Variants in DRC3 observed in about 807,000 individuals in gnomAD.
The protein encoded by DRC3 is dynein regulatory complex subunit 3, also known as leucine rich repeat containing 48.
Under a neutral mutation model 57.6 loss-of-function variants are expected in DRC3, and 45 were observed. The ratio of observed to expected loss-of-function variants is 0.78; its 90% CI spans 0.62 to 1.00. The LOEUF (loss-of-function observed/expected upper bound fraction) is 1.00. DRC3 is among the 50% of genes least tolerant of loss of function. The pLI, the probability that DRC3 is intolerant of heterozygous loss-of-function variation, is 0.00. For synonymous variants in DRC3, 257 were observed against 272.3 expected, an observed-to-expected ratio of 0.94 and a Z score of 0.55; for missense variants, 655 against 675.2, an observed-to-expected ratio of 0.97 and a Z score of 0.33.
chr17:18,007,158 C>CGGGCGGG lies in DRC3; in HGVS notation c.1326+15_1326+16insGGGGGGC. ...AACGACCTGCGCGCGGTAGGCGGGG[C>CGGGCGGG]GGGCTGCTCGGAGCCTGACAGATGT... On this transcript the variant is annotated intron_variant, in intron 12 of 13. Transcript: ENST00000399187. 1.0e-6 allele frequency: 1 copy of CGGGCGGG among 993,938 alleles called. No individual in the cohort carries two copies. Among genetic ancestry groups the CGGGCGGG allele is most frequent in the Non-Finnish European group, 1.4e-6 (1 of 704,810 alleles). 61.6% of individuals were successfully genotyped at this position (993,938 alleles called of 1,614,324 possible).
chr17:17,984,955 G>C (rs530470462), intron 4 of DRC3, among the ~76,000 whole-genome samples: 1 of 152,282 alleles, frequency 6.6e-6, no homozygotes, highest in East Asian at 1.9e-4. Flanking sequence ...TGACCAGCTT[G>C]ATGGAGTCAT....
intron 10 of DRC3, chr17:18,005,375 T>C (rs1006271957): frequency 6.6e-6 from 1 of 152,272 alleles, no homozygotes; most frequent in Non-Finnish European, 1.5e-5. Context: ...GTGCTCACTC[T>C]GCAGACAGTA....
intron 12 of DRC3, chr17:18,007,400 T>G: frequency 6.4e-7 from 1 of 1,551,466 alleles, no homozygotes; most frequent in Non-Finnish European, 8.7e-7. Flanking sequence ...TCCAACAGGG[T>G]CGTTTCCAAA....
At chr17:18,001,893 G>A (rs1411029262) in intron 9 of DRC3, among the ~76,000 whole-genome samples, 5 of 151,978 alleles carry the variant, frequency 3.3e-5, no homozygotes, top group African/African-American at 7.3e-5. Flanking sequence ...TTGGCCGGAC[G>A]CAGTGGCTTA....
Position 18,007,037 on chromosome 17 carries a change from C to G in DRC3, c.1216C>G (p.Arg406Gly), listed in dbSNP as rs548580914. The change falls in exon 12 of 14, where the codon CGG becomes GGG. Residue 406 changes from arginine (R) to glycine (G), a missense_variant. Arg to Gly is a moderately radical substitution (Grantham distance 125, BLOSUM62 -2). Coordinates refer to ENST00000399187, the MANE Select transcript of DRC3 (RefSeq NM_031294.4). Reference sequence around the variant, plus strand: ...TCGGGGCTGCACGATGGCTCAGTGCCGGGACCTGGAGAATCACCACCACGA... The same window carrying G: ...TCGGGGCTGCACGATGGCTCAGTGCGGGGACCTGGAGAATCACCACCACGA... ...ENVQSLMAQC[R>G]DLENHHHEKL... 3.1e-6 allele frequency: 5 copies of G among 1,602,940 alleles called. No individual in the cohort carries two copies. The Admixed American group carries it at 6.8e-5, about 22-fold the overall frequency.
chr17:17,990,213 C>T (rs554853849), intron 5 of DRC3, among the ~76,000 whole-genome samples: 35 of 152,310 alleles, frequency 2.3e-4, no homozygotes, highest in East Asian at 3.9e-4. Flanking sequence ...GGCTGGGTGA[C>T]GGCCAGGCTG....
rs989457397 is a variant in DRC3 at position 18,007,591 on chromosome 17, C to A, written c.1326+444C>A. ...TGCCATCCGGTTTGCACCAGCACAT[C>A]CACTGATGAATGGTCACAAAATCAG... On this transcript the variant is annotated intron_variant, in intron 12 of 13. Transcript: ENST00000399187. The A allele has an allele frequency of 3.2e-5, 47 of 1,457,010 alleles. 1 individual carries two copies. Among genetic ancestry groups the A allele is most frequent in the Middle Eastern group, 3.6e-4 (2 of 5,534 alleles). The allele number at this position is 1,457,010 out of a possible 1,614,324, so 90.3% of individuals were successfully genotyped here.
Position 18,007,143 on chromosome 17 carries a change from G to A in DRC3, c.1322G>A (p.Arg441His), listed in dbSNP as rs1051446562. ...GACGAGGACCTGCCTAACGACCTGC[G>A]CGCGGTAGGCGGGGCGGGCTGCTCG... is the stretch of plus-strand genomic sequence containing the variant. ...DLDEDLPNDL[R>H]ALFVDKDTIV... Residue 441 changes from arginine (R) to histidine (H), a missense_variant, in exon 12 of 14, where the codon CGC becomes CAC. Physicochemically the swap from Arg to His is conservative, Grantham distance 29 (BLOSUM62 0). Transcript: ENST00000399187. The A allele has an allele frequency of 8.3e-6, 10 of 1,206,586 alleles. No individual in the cohort carries two copies. The African/African-American group carries it at 2.2e-4, about 27-fold the overall frequency. 74.7% of individuals were successfully genotyped at this position (1,206,586 alleles called of 1,614,324 possible). A position where few individuals can be genotyped will look rare whatever the true frequency, so the allele number is the denominator to read the frequency against.
At chr17:17,988,262 T>C in intron 5 of DRC3, 164 bp downstream of exon 5, 2 of 744,006 alleles carry the variant, frequency 2.7e-6, no homozygotes, top group Admixed American at 6.3e-5. Context: ...GATTTGCTCA[T>C]GTTTAAATAC....
chr17:17,979,265 C>A (rs944633168), intron 3 of DRC3, among the ~76,000 whole-genome samples: 4 of 152,184 alleles, frequency 2.6e-5, no homozygotes, highest in Non-Finnish European at 4.4e-5. Flanking sequence ...GTCATGGTGT[C>A]AGCTTGGAGA....
intron 12 of DRC3, chr17:18,010,801 T>C: frequency 3.2e-6 from 1 of 314,198 alleles, no homozygotes; most frequent in East Asian, 1.1e-4. Context: ...GGCAAAGGAG[T>C]GGATGCCCAT....
At chr17:17,998,544 A>G (rs1568508607) in intron 9 of DRC3, among the ~76,000 whole-genome samples, 1 of 152,208 alleles carries the variant, frequency 6.6e-6, no homozygotes, top group Non-Finnish European at 1.5e-5. Context: ...TTGTAGCATA[A>G]GGGGCTTTAG....
chr17:17,992,955 C>A (rs769292252), intron 6 of DRC3, 44 bp downstream of exon 6: 4 of 1,606,172 alleles, frequency 2.5e-6, no homozygotes, highest in Non-Finnish European at 3.4e-6. Flanking sequence ...GAGACAGATT[C>A]CTCAAGCCCC....
At chr17:17,980,321 G>A (rs966380770) in intron 3 of DRC3, among the ~76,000 whole-genome samples, 4 of 149,792 alleles carry the variant, frequency 2.7e-5, no homozygotes, top group African/African-American at 4.9e-5. Flanking sequence ...TCGCTCTGCC[G>A]CCCAGCCCAG....
At chr17:17,979,600 G>T (rs2042556285) in intron 3 of DRC3, among the ~76,000 whole-genome samples, 1 of 152,170 alleles carries the variant, frequency 6.6e-6, no homozygotes, top group Non-Finnish European at 1.5e-5. Context: ...CTGATTTGTT[G>T]TGTTGTTTTG....
At chr17:18,014,370 C>T (rs893015018) in intron 12 of DRC3, among the ~76,000 whole-genome samples, 3 of 152,192 alleles carry the variant, frequency 2.0e-5, no homozygotes, top group Non-Finnish European at 4.4e-5. Flanking sequence ...GTGCTTTCAA[C>T]CTGCAGAAAC....
Position 17,983,858 on chromosome 17 carries a change from T to C in DRC3, c.191T>C (p.Phe64Ser), listed in dbSNP as rs545493335. ...CTCCGCATAGACAACCTCTGGCAGT[T>C]TGAGAACTTGAGGAAGCTGCAGCTG... Reference protein sequence around the residue: ...NILRIDNLWQFENLRKLQLDN... With the variant: ...NILRIDNLWQSENLRKLQLDN... Residue 64 changes from phenylalanine (F) to serine (S), a missense_variant, in exon 4 of 14, where the codon TTT (phenylalanine) becomes TCT (serine). Transcript: ENST00000399187. The C allele has an allele frequency of 1.2e-6, 2 of 1,613,404 alleles. No individual in the cohort carries two copies. Among genetic ancestry groups the C allele is most frequent in the South Asian group, 1.1e-5 (1 of 91,062 alleles).
In DRC3 at chr17:18,016,394, C is replaced by T. The variant is rs1035080439; in HGVS notation, c.1459-164C>T. ...CATGGGCTTCATCATTTTCCTAATT[C>T]CTACCTCAAATATACAGAGATCAGC... is the stretch of plus-strand genomic sequence containing the variant. On this transcript the variant is annotated intron_variant, in intron 13 of 13. Coordinates refer to ENST00000399187, the MANE Select transcript of DRC3 (RefSeq NM_031294.4). 5 of 794,746 alleles carry T rather than the reference C, an allele frequency of 6.3e-6. No homozygotes were observed. In the East Asian group the frequency reaches 1.3e-4, roughly 21 times the overall value. 49.2% of individuals were successfully genotyped at this position (794,746 alleles called of 1,614,324 possible).
At chr17:18,012,888 A>T (rs1219205737) in intron 12 of DRC3, among the ~76,000 whole-genome samples, 1 of 152,232 alleles carries the variant, frequency 6.6e-6, no homozygotes, top group African/African-American at 2.4e-5. Context: ...ACACAATGTG[A>T]CAAAATATTT....
Sources: allele counts gnomAD v4.1 joint callset (sites outside exome capture counted in the v4.1 genomes callset), GRCh38; gene constraint gnomAD v4.1.1; transcripts MANE v1.5; gene names NCBI Gene and HGNC (gene_info 2026-07-23, HGNC 2026-07-21).